The following ANKRD55 variants were observed in gnomAD, a reference collection of about 807,000 sequenced individuals.
ANKRD55 encodes the protein ankyrin repeat domain-containing protein 55.
A neutral mutation model predicts 60.6 loss-of-function variants in ANKRD55; 41 were observed. The observed-to-expected ratio is 0.68, with a 90% CI of 0.53 to 0.88. ANKRD55 has a LOEUF of 0.88. Ranked by LOEUF, ANKRD55 falls within the 40% of genes least tolerant of loss-of-function variation. The pLI is 0.00. For missense variants in ANKRD55, 732 were observed against 767.6 expected (o/e 0.95, Z 0.55); for synonymous variants, 264 against 290.3 (o/e 0.91, Z 0.92).
intron 2 of ANKRD55, among the ~76,000 whole-genome samples, chr5:56,207,142 G>A (rs2111866962): frequency 6.6e-6 from 1 of 152,244 alleles, no homozygotes; most frequent in South Asian, 2.1e-4. Context: ...CATGAGAATG[G>A]ACTGGGTCAA....
Position 56,112,562 on chromosome 5 carries a change from G to C in ANKRD55, c.966-780C>G, listed in dbSNP as rs572003867. Among the ~76,000 whole-genome samples, 3 of 142,932 alleles carry C rather than the reference G, an allele frequency of 2.1e-5. No individual in the cohort carries two copies. The East Asian group carries it at 6.1e-4, about 29-fold the overall frequency. The allele number at this position is 142,932 out of a possible 152,430, so 93.8% of individuals were successfully genotyped here. On this transcript the variant is annotated intron_variant, in intron 9 of 11. Transcript: ENST00000341048. Reference sequence around the variant, plus strand: ...AGCTTTAGTCTGGGCTCCAGCGAGGGAAGAGGAGGAGTGCATGACCAAGGT... The same window carrying C: ...AGCTTTAGTCTGGGCTCCAGCGAGGCAAGAGGAGGAGTGCATGACCAAGGT...
chr5:56,141,842 C>T lies in ANKRD55; in HGVS notation c.612+1959G>A, dbSNP rs376348420. On this transcript the variant is annotated intron_variant, in intron 7 of 11. Coordinates refer to ENST00000341048, the MANE Select transcript of ANKRD55 (RefSeq NM_024669.3). ...GACCATTTCGTCCAATTACATAGTA[C>T]GTTACATATCACTATCATATGCATG... 2.6e-5 allele frequency among the ~76,000 whole-genome samples: 4 copies of T among 152,260 alleles called. No individual in the cohort carries two copies. In the East Asian group the frequency reaches 5.8e-4, roughly 22 times the overall value.
At chr5:56,193,575 A>G in intron 2 of ANKRD55, 2 of 351,458 alleles carry the variant, frequency 5.7e-6, no homozygotes, top group Non-Finnish European at 5.4e-6. Flanking sequence ...CTGAAAATAT[A>G]CTAAAGGAAA....
In ANKRD55 at chr5:56,190,005, A is replaced by G. The variant is rs76442049; in HGVS notation, c.59-6371T>C. Reference sequence around the variant, plus strand: ...CTTATTATTTGTTGTTTGGGTTTTAAAAAAAATAATAGCCATCCTAATGAT... The same window carrying G: ...CTTATTATTTGTTGTTTGGGTTTTAGAAAAAATAATAGCCATCCTAATGAT... On this transcript the variant is annotated intron_variant, in intron 2 of 11. Coordinates refer to ENST00000341048, the MANE Select transcript of ANKRD55 (RefSeq NM_024669.3). Among the ~76,000 whole-genome samples, 1,474 of 152,256 alleles carry G rather than the reference A, an allele frequency of 9.7e-3. 25 individuals carry two copies. Among genetic ancestry groups the G allele is most frequent in the African/African-American group, 0.033 (1,385 of 41,538 alleles).
chr5:56,164,970 T>C (rs1758414887), intron 5 of ANKRD55, among the ~76,000 whole-genome samples: 1 of 152,174 alleles, frequency 6.6e-6, no homozygotes, highest in Admixed American at 6.5e-5. Flanking sequence ...GTTCAGGAGT[T>C]GTTTCCATCT....
intron 10 of ANKRD55, among the ~76,000 whole-genome samples, chr5:56,110,124 T>G (rs1756633689): frequency 6.6e-6 from 1 of 151,250 alleles, no homozygotes; most frequent in Admixed American, 6.6e-5. Context: ...AGGCTTGGTG[T>G]GGTGGCTCAT....
intron 8 of ANKRD55, among the ~76,000 whole-genome samples, chr5:56,123,367 G>A (rs1757137656): frequency 6.6e-6 from 1 of 152,096 alleles, no homozygotes; most frequent in Non-Finnish European, 1.5e-5. Flanking sequence ...GGTACAGATT[G>A]TATCTTCTGT....
chr5:56,163,052 T>C (rs879352769), intron 5 of ANKRD55, among the ~76,000 whole-genome samples: 6 of 152,168 alleles, frequency 3.9e-5, no homozygotes, highest in Admixed American at 3.9e-4. Flanking sequence ...GTCATGGCTG[T>C]GACTGATATG....
chr5:56,112,510 A>AAAAAAAAAAAAAAAAAAAC (rs1554036580), intron 9 of ANKRD55, among the ~76,000 whole-genome samples: 6 of 138,054 alleles, frequency 4.3e-5, no homozygotes, highest in Admixed American at 7.3e-5. Context: ...CTAGCAAAAA[A>AAAAAAAAAAAAAAAAAAAC]AAAAAAAAAA....
chr5:56,229,451 T>C (rs1760195557), intron 2 of ANKRD55, among the ~76,000 whole-genome samples: 1 of 152,180 alleles, frequency 6.6e-6, no homozygotes, highest in Non-Finnish European at 1.5e-5. Flanking sequence ...GCCAGTCAAA[T>C]GATCTGATCG....
chr5:56,115,636 A>G (rs541757956), intron 9 of ANKRD55, among the ~76,000 whole-genome samples: 9 of 152,244 alleles, frequency 5.9e-5, no homozygotes, highest in Admixed American at 5.2e-4. Flanking sequence ...GCTGTATTCT[A>G]TTAAGCTTGT....
At chr5:56,202,821 T>C (rs1422367839) in intron 2 of ANKRD55, among the ~76,000 whole-genome samples, 5 of 152,210 alleles carry the variant, frequency 3.3e-5, no homozygotes, top group African/African-American at 1.2e-4. Flanking sequence ...GGGTAGGTTT[T>C]CTGAGCTGTG....
intron 3 of ANKRD55, among the ~76,000 whole-genome samples, chr5:56,180,413 A>G (rs990676938): frequency 1.3e-5 from 2 of 152,180 alleles, no homozygotes; most frequent in Non-Finnish European, 2.9e-5. Flanking sequence ...TTGTATTTCT[A>G]TACACATTTT....
At chr5:56,191,685 T>C (rs1197802205) in intron 2 of ANKRD55, among the ~76,000 whole-genome samples, 3 of 152,168 alleles carry the variant, frequency 2.0e-5, no homozygotes, top group African/African-American at 4.8e-5. Context: ...CCACCAAACC[T>C]GTTTAGAAGG....
intron 6 of ANKRD55, among the ~76,000 whole-genome samples, chr5:56,156,410 A>T (rs182697721): frequency 6.6e-6 from 1 of 152,364 alleles, no homozygotes; most frequent in East Asian, 1.9e-4. Flanking sequence ...TACCACTCTT[A>T]GAAAGATCCA....
chr5:56,145,045 G>T (rs1757863476), intron 6 of ANKRD55, among the ~76,000 whole-genome samples: 1 of 152,172 alleles, frequency 6.6e-6, no homozygotes, highest in Non-Finnish European at 1.5e-5. Context: ...TTCCTTCCAG[G>T]GTGAGCTGCA....
chr5:56,121,393 A>G (rs1300551003), intron 8 of ANKRD55, among the ~76,000 whole-genome samples: 1 of 84,404 alleles, frequency 1.2e-5, no homozygotes, highest in African/African-American at 5.7e-5. Flanking sequence ...TTTTTTTTTG[A>G]GATGGAGTCT....
intron 5 of ANKRD55, among the ~76,000 whole-genome samples, chr5:56,166,130 CTTTCTTTCTTTCTTTCTTT>C (rs1758459274): frequency 1.0e-5 from 1 of 98,124 alleles, no homozygotes; most frequent in African/African-American, 5.3e-5. Context: ...TTCTTTCTTT[CTTTCTTTCTTTCTTTCTTT>C]CTTTCTTCTT....
intron 2 of ANKRD55, among the ~76,000 whole-genome samples, chr5:56,228,092 G>C (rs1760163730): frequency 6.6e-6 from 1 of 152,170 alleles, no homozygotes; most frequent in African/African-American, 2.4e-5. Context: ...TGGCCCTAAA[G>C]ACATGTTCTA....
Sources: gnomAD v4.1 joint callset for allele counts (sites outside exome capture counted in the v4.1 genomes callset) on GRCh38, gnomAD v4.1.1 for gene constraint, MANE v1.5 for transcripts, NCBI Gene and HGNC (gene_info 2026-07-23, HGNC 2026-07-21) for gene names.